Variants in PPM1E observed in about 807,000 individuals in gnomAD.
PPM1E encodes the protein protein phosphatase, Mg2+/Mn2+ dependent 1E.
A neutral mutation model predicts 65.9 loss-of-function variants in PPM1E; 20 were observed. The observed-to-expected ratio is 0.30, with a 90% confidence interval of 0.21 to 0.44. The LOEUF is 0.44. Ranked by LOEUF, PPM1E falls within the 20% of genes least tolerant of loss-of-function variation. The probability of loss-of-function intolerance (pLI) is 1.00; values close to 1 mark genes in which losing one functional copy is unlikely to be tolerated. For missense variants in PPM1E, 713 were observed against 953.1 expected (o/e 0.75, Z 3.32); for synonymous variants, 352 against 374.9 (o/e 0.94, Z 0.70).
intron 1 of PPM1E, among the ~76,000 whole-genome samples, chr17:58,879,827 T>C (rs1425321295): frequency 6.6e-6 from 1 of 152,094 alleles, no homozygotes; most frequent in East Asian, 1.9e-4. Context: ...TTTTAAAATA[T>C]TTGGGCTTCA....
intron 6 of PPM1E, among the ~76,000 whole-genome samples, chr17:58,977,808 T>C (rs1388843916): frequency 1.3e-5 from 2 of 152,282 alleles, no homozygotes; most frequent in East Asian, 3.9e-4. Flanking sequence ...AGTGGCGCAA[T>C]CTGGGCTCAC....
intron 1 of PPM1E, among the ~76,000 whole-genome samples, chr17:58,845,273 A>G (rs923771298): frequency 6.7e-6 from 1 of 149,680 alleles, no homozygotes; most frequent in Non-Finnish European, 1.5e-5. Context: ...TCATTCCTCT[A>G]CAGTTCTGTT....
chr17:58,768,305 C>A (rs1420916401), intron 1 of PPM1E, among the ~76,000 whole-genome samples: 1 of 151,980 alleles, frequency 6.6e-6, no homozygotes, highest in Non-Finnish European at 1.5e-5. Flanking sequence ...GTCTCAAATT[C>A]CTAGGCTCAA....
Position 58,966,012 on chromosome 17 carries a change from T to A in PPM1E, c.783+119T>A. 7 of 1,057,854 alleles carry A rather than the reference T, an allele frequency of 6.6e-6. No individual in the cohort carries two copies. The South Asian group carries it at 7.8e-5, about 12-fold the overall frequency. The allele number at this position is 1,057,854 out of a possible 1,614,324, so 65.5% of individuals were successfully genotyped here. On this transcript the variant is annotated intron_variant, in intron 3 of 6. Coordinates refer to ENST00000308249, the MANE Select transcript of PPM1E (RefSeq NM_014906.5). ...TAATTGTATCTCTGGTAGATTAGAG[T>A]AGGGCTAAGTGCAAAGTGGCACAAA...
intron 1 of PPM1E, among the ~76,000 whole-genome samples, chr17:58,760,086 T>C (rs541719150): frequency 6.6e-6 from 1 of 152,324 alleles, no homozygotes; most frequent in African/African-American, 2.4e-5. Context: ...TTCTCCTGCT[T>C]CTCAGGCTAT....
intron 3 of PPM1E, chr17:58,966,410 C>A (rs1196708263): frequency 6.7e-5 from 13 of 194,160 alleles, no homozygotes; most frequent in Middle Eastern, 2.1e-3. Flanking sequence ...CTCAATAAAG[C>A]AGTTTTGTAA....
At chr17:58,878,905 TAAAAAAAA>T (rs71143297) in intron 1 of PPM1E, among the ~76,000 whole-genome samples, 2 of 145,302 alleles carry the variant, frequency 1.4e-5, no homozygotes, top group African/African-American at 2.5e-5. Flanking sequence ...ACTGCATCTC[TAAAAAAAA>T]AAAAGAAAAA....
chr17:58,836,159 A>G (rs1261858561), intron 1 of PPM1E, among the ~76,000 whole-genome samples: 5 of 152,122 alleles, frequency 3.3e-5, no homozygotes, highest in Non-Finnish European at 5.9e-5. Context: ...CCATCCTGAT[A>G]TACTCTAACA....
At chr17:58,878,304 G>A (rs982064103) in intron 1 of PPM1E, among the ~76,000 whole-genome samples, 5 of 151,938 alleles carry the variant, frequency 3.3e-5, no homozygotes, top group Middle Eastern at 3.2e-3. Flanking sequence ...GTGCAGTGGC[G>A]CCATCTCGGT....
intron 1 of PPM1E, among the ~76,000 whole-genome samples, chr17:58,909,920 T>C (rs1475564341): frequency 3.4e-5 from 4 of 118,054 alleles, no homozygotes; most frequent in Admixed American, 8.8e-5. Context: ...TCTTTTTTCT[T>C]TTTCTTTTTT....
At chr17:58,943,591 A>G (rs1446108455) in intron 1 of PPM1E, among the ~76,000 whole-genome samples, 1 of 151,964 alleles carries the variant, frequency 6.6e-6, no homozygotes, top group Non-Finnish European at 1.5e-5. Context: ...CTCATGACCT[A>G]GTTTGTGATT....
At chr17:58,931,826 C>G (rs1567878723) in intron 1 of PPM1E, among the ~76,000 whole-genome samples, 1 of 152,122 alleles carries the variant, frequency 6.6e-6, no homozygotes, top group Non-Finnish European at 1.5e-5. Context: ...TTCCCTGATG[C>G]CTGTACTGTG....
chr17:58,874,111 GGA>G (rs1468519605), intron 1 of PPM1E, among the ~76,000 whole-genome samples: 139 of 152,264 alleles, frequency 9.1e-4, no homozygotes, highest in Non-Finnish European at 1.5e-3. Flanking sequence ...TTGTTGGCAT[GGA>G]GAAGTTGAAG....
intron 1 of PPM1E, among the ~76,000 whole-genome samples, chr17:58,924,579 C>G (rs1406954909): frequency 6.6e-6 from 1 of 152,028 alleles, no homozygotes; most frequent in Non-Finnish European, 1.5e-5. Context: ...TTCTTTTTTA[C>G]TTTAAGTTTC....
chr17:58,819,577 G>A (rs915602037), intron 1 of PPM1E, among the ~76,000 whole-genome samples: 1 of 152,150 alleles, frequency 6.6e-6, no homozygotes, highest in Non-Finnish European at 1.5e-5. Context: ...AACAAAAGAG[G>A]TTTAATTGGC....
intron 1 of PPM1E, among the ~76,000 whole-genome samples, chr17:58,923,911 CTTTTTTTTTT>C (rs751578623): frequency 0.028 from 1,791 of 64,972 alleles, 61 homozygotes; most frequent in African/African-American, 0.11. Flanking sequence ...AAGACCCCCT[CTTTTTTTTTT>C]TTTTTTTTTT....
In PPM1E at chr17:58,926,606, T is replaced by G. The variant is rs562427896; in HGVS notation, c.465-29043T>G. On this transcript the variant is annotated intron_variant, in intron 1 of 6. Coordinates refer to ENST00000308249, the MANE Select transcript of PPM1E (RefSeq NM_014906.5). ...TTAATTGTGCTGTGCTGCCAGATTA[T>G]TTTCCATGTGTGTGTTCATTTCCTA... 2.0e-5 allele frequency among the ~76,000 whole-genome samples: 3 copies of G among 152,308 alleles called. No individual in the cohort carries two copies. In the East Asian group the frequency reaches 5.8e-4, roughly 29 times the overall value.
intron 1 of PPM1E, among the ~76,000 whole-genome samples, chr17:58,840,469 C>T (rs1354462677): frequency 6.6e-6 from 1 of 152,200 alleles, no homozygotes; most frequent in African/African-American, 2.4e-5. Flanking sequence ...CAGACCAATT[C>T]AGTAGTAACA....
chr17:58,976,319 T>C (rs1420377048), intron 6 of PPM1E, among the ~76,000 whole-genome samples: 1 of 151,928 alleles, frequency 6.6e-6, no homozygotes, highest in Non-Finnish European at 1.5e-5. Flanking sequence ...GGGAGGGGAA[T>C]TGAGAAAATT....
Sources: allele counts gnomAD v4.1 joint callset (sites outside exome capture counted in the v4.1 genomes callset), GRCh38; gene constraint gnomAD v4.1.1; transcripts MANE v1.5; gene names NCBI Gene and HGNC (gene_info 2026-07-23, HGNC 2026-07-21).